The following VTN variants were observed in gnomAD, a reference collection of about 807,000 sequenced individuals.
VTN encodes the protein complement S-protein.
Under a neutral mutation model 55.9 loss-of-function variants are expected in VTN, and 45 were observed. The ratio of observed to expected loss-of-function variants is 0.80; its 90% confidence interval spans 0.63 to 1.03. The LOEUF is 1.03. Ranked by LOEUF, VTN falls within the 50% of genes least tolerant of loss-of-function variation. The probability of loss-of-function intolerance (pLI) is 0.00; values close to 1 mark genes in which losing one functional copy is unlikely to be tolerated. For missense variants in VTN, 589 were observed against 638.2 expected, an observed-to-expected ratio of 0.92 and a Z score of 0.83; for synonymous variants, 238 against 242.3, an observed-to-expected ratio of 0.98 and a Z score of 0.17.
intron 6 of VTN, 58 bp from the exon 7 acceptor site, chr17:28,368,117 GC>G: frequency 7.0e-7 from 1 of 1,436,218 alleles, no homozygotes; most frequent in Non-Finnish European, 9.4e-7. Flanking sequence ...GCCCCTTCCA[GC>G]GGGGCCATTA....
At position 28,369,460 on chromosome 17, in the gene VTN, A is replaced by C; in HGVS notation, c.530-32T>G. 1 of 1,587,762 alleles carries C rather than the reference A, an allele frequency of 6.3e-7. No homozygotes were observed. Among genetic ancestry groups the C allele is most frequent in the African/African-American group, 1.3e-5 (1 of 74,462 alleles). The stretch of plus-strand genomic sequence containing the variant: ...TGGAGGAGATGGTGTGAGAGCAGGG[A>C]CGCTCCTGGGGCAGACCCGCATCCC... On this transcript the variant is annotated intron_variant, in intron 3 of 7. Transcript: ENST00000226218. The surrounding 1 kb of genome is among the most constrained non-coding windows in gnomAD (Gnocchi z 5.3).
chr17:28,368,849 G>A, intron 5 of VTN, 23 bp downstream of exon 5: 1 of 1,613,436 alleles, frequency 6.2e-7, no homozygotes, highest in South Asian at 1.1e-5. Context: ...TGCCTGCTCA[G>A]TCTCCCACCA....
Position 28,369,996 on chromosome 17 carries a change from G to T in VTN, c.115C>A (p.Gln39Lys). The T allele has an allele frequency of 6.2e-7, 1 of 1,614,054 alleles. No homozygotes were observed. The highest frequency in any genetic ancestry group is 1.1e-5 in the South Asian group (1 of 91,074). ...TAGTAAGAGCAGAGCTCGTCACACT[G>T]GCACTTCTTGTCCACGTTGAAGCCC... Reference protein sequence around the residue: ...TEGFNVDKKCQCDELCSYYQS... With the variant: ...TEGFNVDKKCKCDELCSYYQS... Residue 39 changes from glutamine to lysine, a missense_variant, in exon 2 of 8, where the codon CAG becomes AAG. Around this residue, in one of 3 missense-constraint regions of VTN, gnomAD observed 217 missense variants for 241.3 expected, o/e 0.90. Transcript: ENST00000226218. This position sits in a 1 kb window ranked among gnomAD's most constrained non-coding sequence, Gnocchi z 5.3.
At chr17:28,367,541 T>G in intron 7 of VTN, 60 bp from the exon 8 acceptor site, 1 of 1,505,868 alleles carries the variant, frequency 6.6e-7, no homozygotes, top group Non-Finnish European at 9.2e-7. Flanking sequence ...CACTCTTCCC[T>G]TGAGAAGTCT....
Position 28,370,172 on chromosome 17 carries a change from G to T in VTN, c.32C>A (p.Ala11Asp). 1 of 1,613,854 alleles carries T rather than the reference G, an allele frequency of 6.2e-7. No individual in the cohort carries two copies. The highest frequency in any genetic ancestry group is 8.5e-7 in the Non-Finnish European group (1 of 1,179,830). ...AGCCAGAGCAACCCATGCCAGCAGG[G>T]CCAGTATGAGAAGGGGTCTCAGGGG... MAPLRPLLIL[A>D]LLAWVALADQ... The change falls in exon 1 of 8, where the codon GCC becomes GAC. Residue 11 changes from alanine to aspartate, a missense_variant. By Grantham distance (126) the Ala-to-Asp change is moderately radical. Coordinates refer to ENST00000226218, the MANE Select transcript of VTN (RefSeq NM_000638.4).
chr17:28,369,059 G>A lies in VTN; in HGVS notation c.670-31C>T, dbSNP rs1555583511. 1.3e-6 allele frequency: 2 copies of A among 1,555,238 alleles called. No homozygotes were observed. Among genetic ancestry groups the A allele is most frequent in the African/African-American group, 2.8e-5 (2 of 72,026 alleles). ...AGGTGGGGAAAGTGAAAAGGGGTATGGAGGCCGCTGGCTGGGCACAGAGGC... is the reference window on the plus strand; with the variant it reads ...AGGTGGGGAAAGTGAAAAGGGGTATAGAGGCCGCTGGCTGGGCACAGAGGC... On this transcript the variant is annotated intron_variant, in intron 4 of 7. Transcript: ENST00000226218. The surrounding 1 kb of genome is among the most constrained non-coding windows in gnomAD (Gnocchi z 5.3).
chr17:28,369,683 G>C lies in VTN; in HGVS notation c.353C>G (p.Pro118Arg), dbSNP rs1371348705. ...CTCAGGCGCAGGGGCCTCTTCCTCA[G>C]GTTTCAGAACAGGTGTCTGCTCAGG... ...GNPEQTPVLK[P>R]EEEAPAPEVG... Residue 118 changes from proline to arginine, a missense_variant, in exon 3 of 8, where the codon CCT becomes CGT. Physicochemically the swap from Pro to Arg is moderately radical, Grantham distance 103 (BLOSUM62 -2). This residue lies in a region of VTN where 217 missense variants were observed against 241.3 expected (regional missense o/e 0.90). Coordinates refer to ENST00000226218, the MANE Select transcript of VTN (RefSeq NM_000638.4). The surrounding 1 kb of genome is among the most constrained non-coding windows in gnomAD (Gnocchi z 5.3). 6 of 1,613,808 alleles carry C rather than the reference G, an allele frequency of 3.7e-6. No individual in the cohort carries two copies. In the Admixed American group the frequency reaches 1.0e-4, roughly 27 times the overall value.
chr17:28,367,942 GC>G lies in VTN; in HGVS notation c.1096del (p.Ala366ProfsTer140). On this transcript the variant is annotated frameshift_variant, in exon 7 of 8. Coordinates refer to ENST00000226218, the MANE Select transcript of VTN (RefSeq NM_000638.4). LOFTEE classifies it high-confidence loss of function. ...GCGATGCCTAAACCTTTGTTTCTTG[GC>G]CAAGGAGGGGCGGGGTGCCATGCCT... ...ISGMAPRPSL[A>X]KKQRFRHRNR... is the part of the protein sequence containing the mutation. 1 of 1,605,616 alleles carries G rather than the reference GC, an allele frequency of 6.2e-7. No homozygotes were observed.
chr17:28,369,322 G>A lies in VTN; in HGVS notation c.636C>T (p.Arg212=), dbSNP rs2067933310. 1 of 1,603,974 alleles carries A rather than the reference G, an allele frequency of 6.2e-7. No individual in the cohort carries two copies. The highest frequency in any genetic ancestry group is 8.5e-7 in the Non-Finnish European group (1 of 1,172,420). The change falls in exon 4 of 8, where the codon CGC becomes CGT. Residue 212 remains arginine (R), a synonymous_variant. Coordinates refer to ENST00000226218, the MANE Select transcript of VTN (RefSeq NM_000638.4). This position sits in a 1 kb window ranked among gnomAD's most constrained non-coding sequence, Gnocchi z 5.3. ...GGTAGGTCTTCCCCTGACAGTTGAT[G>A]CGGGTGAAGGCGGCATCGATGGGGC... ...IEGPIDAAFT[R]INCQGKTYLF... is the part of the protein sequence containing the mutation.
chr17:28,369,828 T>C lies in VTN; in HGVS notation c.208A>G (p.Met70Val). 2 of 1,613,140 alleles carry C rather than the reference T, an allele frequency of 1.2e-6. No homozygotes were observed. Among genetic ancestry groups the C allele is most frequent in the Non-Finnish European group, 1.7e-6 (2 of 1,179,248 alleles). Residue 70 changes from methionine to valine, a missense_variant, in exon 3 of 8, where the codon ATG becomes GTG. By Grantham distance (21) the Met-to-Val change is conservative. Transcript: ENST00000226218. This position sits in a 1 kb window ranked among gnomAD's most constrained non-coding sequence, Gnocchi z 5.3. The stretch of plus-strand genomic sequence containing the variant: ...TAGACCGTGTACTCATCCTCCGGCA[T>C]AGTGAACACATCCCCGCGAGTCACT... ...PQVTRGDVFT[M>V]PEDEYTVYDD...
rs111959676 is a variant in VTN, at chr17:28,368,472, G to A, written c.979+49C>T. ...CCGGCCTGGCTCTACCAATACCAAGGGGTTTCAGCCCTTTTGAGGGAGAAG... is the reference window on the plus strand; with the variant it reads ...CCGGCCTGGCTCTACCAATACCAAGAGGTTTCAGCCCTTTTGAGGGAGAAG... On this transcript the variant is annotated intron_variant, in intron 6 of 7. Coordinates refer to ENST00000226218, the MANE Select transcript of VTN (RefSeq NM_000638.4). 1.1e-5 allele frequency: 17 copies of A among 1,604,904 alleles called. No homozygotes were observed. In the African/African-American group the frequency reaches 1.1e-4, roughly 10 times the overall value.
chr17:28,368,978 G>T lies in VTN; in HGVS notation c.720C>A (p.Pro240=). The change falls in exon 5 of 8, where the codon CCC becomes CCA. Residue 240 remains proline, a synonymous_variant. Transcript: ENST00000226218. The part of the protein sequence containing the change: ...FEDGVLDPDY[P]RNISDGFDGI... ...CATCGAAGCCGTCAGAGATATTTCG[G>T]GGGTAATCAGGGTCCAGGACACCAT... is the stretch of plus-strand genomic sequence containing the variant. 1 of 1,603,298 alleles carries T rather than the reference G, an allele frequency of 6.2e-7. No homozygotes were observed. The highest frequency in any genetic ancestry group is 8.5e-7 in the Non-Finnish European group (1 of 1,177,180).
At chr17:28,367,520 C>T (rs782498753) in intron 7 of VTN, 39 bp from the exon 8 acceptor site, 1 of 1,565,558 alleles carries the variant, frequency 6.4e-7, no homozygotes, top group East Asian at 2.2e-5. Context: ...GAGGCCCAGC[C>T]TGGCCCTGCC....
chr17:28,367,958 G>A lies in VTN; in HGVS notation c.1081C>T (p.Pro361Ser). The A allele has an allele frequency of 6.2e-7, 1 of 1,600,966 alleles. No individual in the cohort carries two copies. The highest frequency in any genetic ancestry group is 8.5e-7 in the Non-Finnish European group (1 of 1,173,860). Reference protein sequence around the residue: ...AGRIYISGMAPRPSLAKKQRF... With the variant: ...AGRIYISGMASRPSLAKKQRF... ...TGTTTCTTGGCCAAGGAGGGGCGGG[G>A]TGCCATGCCTGAGATGTAGATGCGG... The change falls in exon 7 of 8, where the codon CCC (proline) becomes TCC (serine). Residue 361 changes from proline (P) to serine (S), a missense_variant. Around this residue, in one of 3 missense-constraint regions of VTN, gnomAD observed 334 missense variants for 328.2 expected, o/e 1.02. Coordinates refer to ENST00000226218, the MANE Select transcript of VTN (RefSeq NM_000638.4).
Position 28,369,665 on chromosome 17 carries a change from G to A in VTN, c.371C>T (p.Ala124Val), listed in dbSNP as rs144093348. 276 of 1,613,614 alleles carry A rather than the reference G, an allele frequency of 1.7e-4. No individual in the cohort carries two copies. Among genetic ancestry groups the A allele is most frequent in the South Asian group, 2.4e-4 (22 of 91,080 alleles). ...PVLKPEEEAP[A>V]PEVGASKPEG... ...AGGCTTAGAGGCGCCCACCTCAGGC[G>A]CAGGGGCCTCTTCCTCAGGTTTCAG... The change falls in exon 3 of 8, where the codon GCG becomes GTG. Residue 124 changes from alanine (A) to valine (V), a missense_variant. Ala to Val is a moderately conservative substitution (Grantham distance 64). Transcript: ENST00000226218. This position sits in a 1 kb window ranked among gnomAD's most constrained non-coding sequence, Gnocchi z 5.3.
chr17:28,368,618 T>C lies in VTN; in HGVS notation c.882A>G (p.Glu294=), dbSNP rs2067927204. Residue 294 remains glutamate, a synonymous_variant, in exon 6 of 8, where the codon GAA becomes GAG. Coordinates refer to ENST00000226218, the MANE Select transcript of VTN (RefSeq NM_000638.4). ...CAAACACAGCCGACAGGGAGCTGCC[T>C]TCACACTCCTCCTGACTGGGCTGGT... ...FQHQPSQEEC[E]GSSLSAVFEH... The C allele has an allele frequency of 6.2e-7, 1 of 1,613,992 alleles. No individual in the cohort carries two copies. The highest frequency in any genetic ancestry group is 1.7e-5 in the Admixed American group (1 of 60,020).
rs546780648 is a variant in VTN at position 28,369,751 on chromosome 17, GC to G, written c.284del (p.Gly95AlafsTer4). The G allele has an allele frequency of 1.2e-6, 2 of 1,613,952 alleles. No individual in the cohort carries two copies. Among genetic ancestry groups the G allele is most frequent in the East Asian group, 4.5e-5 (2 of 44,876 alleles). On this transcript the variant is annotated frameshift_variant, in exon 3 of 8. Coordinates refer to ENST00000226218, the MANE Select transcript of VTN (RefSeq NM_000638.4). LOFTEE classifies it high-confidence loss of function. The surrounding 1 kb of genome is among the most constrained non-coding windows in gnomAD (Gnocchi z 5.3). ...CCTGGAGGTCAGAGGTCAGGGAGGG[GC>G]CCCCCACCTGTTCATGGACAGTGGC... ...NNATVHEQVG[G>X]PSLTSDLQAQ...
chr17:28,369,112 C>T lies in VTN; in HGVS notation c.670-84G>A, dbSNP rs2067931993. On this transcript the variant is annotated intron_variant, in intron 4 of 7. Coordinates refer to ENST00000226218, the MANE Select transcript of VTN (RefSeq NM_000638.4). This position sits in a 1 kb window ranked among gnomAD's most constrained non-coding sequence, Gnocchi z 5.3. The stretch of plus-strand genomic sequence containing the variant: ...AGTCCCTTGCCCTAAGGCAGCCGTT[C>T]CCAGGTCCAGGTTCACTGCCCAGGA... 1 of 1,515,652 alleles carries T rather than the reference C, an allele frequency of 6.6e-7. No homozygotes were observed. The highest frequency in any genetic ancestry group is 1.3e-5 in the South Asian group (1 of 74,650). The allele number at this position is 1,515,652 out of a possible 1,614,324, so 93.9% of individuals were successfully genotyped here.
Position 28,369,793 on chromosome 17 carries a change from G to C in VTN, c.243C>G (p.Gly81=). Residue 81 remains glycine (G), a synonymous_variant, in exon 3 of 8, where the codon GGC becomes GGG. Transcript: ENST00000226218. This position sits in a 1 kb window ranked among gnomAD's most constrained non-coding sequence, Gnocchi z 5.3. Reference sequence around the variant, plus strand: ...GGACAGTGGCATTGTTTTTCTCCTCGCCATCGTCATAGACCGTGTACTCAT... The same window carrying C: ...GGACAGTGGCATTGTTTTTCTCCTCCCCATCGTCATAGACCGTGTACTCAT... ...PEDEYTVYDD[G]EEKNNATVHE... 1 of 1,613,998 alleles carries C rather than the reference G, an allele frequency of 6.2e-7. No homozygotes were observed. The highest frequency in any genetic ancestry group is 2.2e-5 in the East Asian group (1 of 44,870).
Sources: allele counts gnomAD v4.1 joint callset, GRCh38; gene constraint gnomAD v4.1.1; regional missense constraint gnomAD v4.1.1; non-coding constraint Gnocchi (gnomAD v3.1); transcripts MANE v1.5; gene names NCBI Gene and HGNC (gene_info 2026-07-23, HGNC 2026-07-21).